The following BCL11B variants were observed in gnomAD, a reference collection of about 807,000 sequenced individuals.
The protein encoded by BCL11B is B-cell lymphoma/leukemia 11B.
Under a neutral mutation model 49.9 loss-of-function variants are expected in BCL11B, and 8 were observed. The ratio of observed to expected loss-of-function variants is 0.16; its 90% CI spans 0.09 to 0.29. The LOEUF (loss-of-function observed/expected upper bound fraction) is 0.29, where lower values mean the gene tolerates loss of function less well. BCL11B is among the 10% of genes least tolerant of loss of function. BCL11B has a pLI of 1.00. For missense variants in BCL11B, 1,006 were observed against 1,351.0 expected (o/e 0.74, Z 4.00); for synonymous variants, 739 against 637.4 (o/e 1.16, Z -2.40).
chr14:99,255,919 A>G (rs1889149955), intron 2 of BCL11B, among the ~76,000 whole-genome samples: 1 of 152,236 alleles, frequency 6.6e-6, no homozygotes, highest in Non-Finnish European at 1.5e-5. Flanking sequence ...GGCACCCATC[A>G]GAAGGCAAGG....
intron 3 of BCL11B, among the ~76,000 whole-genome samples, chr14:99,196,073 G>A (rs1285086741): frequency 2.0e-5 from 3 of 152,310 alleles, no homozygotes; most frequent in South Asian, 4.1e-4. Context: ...CCAGCGGTCC[G>A]AGGCTTCGAG....
chr14:99,262,871 G>A lies in BCL11B; in HGVS notation c.59-5032C>T, dbSNP rs764959723. 3 of 151,946 alleles carry A rather than the reference G, an allele frequency of 2.0e-5. No individual in the cohort carries two copies. Among genetic ancestry groups the A allele is most frequent in the Non-Finnish European group, 4.4e-5 (3 of 68,004 alleles). The allele number at this position is 151,946 out of a possible 1,614,324, so 9.4% of individuals were successfully genotyped here. ...AACCGTAGGGAGGGGGGAGGAGAAG[G>A]GTGGAGGGGGAGAGAGCAGGAATCA... On this transcript the variant is annotated intron_variant, in intron 1 of 3. Transcript: ENST00000357195. This position sits in a 1 kb window ranked among gnomAD's most constrained non-coding sequence, Gnocchi z 4.2.
intron 3 of BCL11B, among the ~76,000 whole-genome samples, chr14:99,218,654 C>T (rs190036664): frequency 6.6e-6 from 1 of 152,314 alleles, no homozygotes; most frequent in Admixed American, 6.5e-5. Flanking sequence ...CCTCAGTTCA[C>T]CGAGACCAGC....
rs1234560809 is a variant in BCL11B, at chr14:99,250,899, TTGTC to T, written c.427+6568_427+6571del. ...AAAACACCCATTTATGTGACCAGTA[TTGTC>T]TGTCTTTTTTTTAATCCAATAAAAC... On this transcript the variant is annotated intron_variant, in intron 2 of 3. Coordinates refer to ENST00000357195, the MANE Select transcript of BCL11B (RefSeq NM_138576.4). 3.3e-5 allele frequency among the ~76,000 whole-genome samples: 5 copies of T among 151,466 alleles called. No homozygotes were observed. In the East Asian group the frequency reaches 7.7e-4, roughly 23 times the overall value.
At chr14:99,198,644 C>T (rs755094068) in intron 3 of BCL11B, among the ~76,000 whole-genome samples, 4 of 152,042 alleles carry the variant, frequency 2.6e-5, no homozygotes, top group Non-Finnish European at 5.9e-5. Context: ...TGAAAGGTCT[C>T]GCGACACATT....
chr14:99,267,713 C>A (rs1889528694), intron 1 of BCL11B, among the ~76,000 whole-genome samples: 1 of 152,176 alleles, frequency 6.6e-6, no homozygotes, highest in African/African-American at 2.4e-5. Context: ...TACAGCAAAA[C>A]CTAATTCAAA....
chr14:99,222,196 T>C (rs543274195), intron 3 of BCL11B, among the ~76,000 whole-genome samples: 73 of 152,194 alleles, frequency 4.8e-4, no homozygotes, highest in Admixed American at 1.5e-3. Context: ...CCCCGCACCA[T>C]AAAAACAACA....
At chr14:99,190,543 T>C (rs1008403611) in intron 3 of BCL11B, among the ~76,000 whole-genome samples, 4 of 152,080 alleles carry the variant, frequency 2.6e-5, no homozygotes, top group African/African-American at 9.7e-5. Flanking sequence ...TGTGCCTTTG[T>C]TTTGTTTTGT....
At chr14:99,253,307 G>A (rs1387693995) in intron 2 of BCL11B, among the ~76,000 whole-genome samples, 3 of 152,198 alleles carry the variant, frequency 2.0e-5, no homozygotes, top group Non-Finnish European at 2.9e-5. Flanking sequence ...CAGAATGGAC[G>A]GGAGAGAGTC....
In BCL11B at chr14:99,170,552, A is replaced by G. The variant is rs183005578; in HGVS notation, c.*3599T>C. On this transcript the variant is annotated 3_prime_UTR_variant, in exon 4 of 4. Coordinates refer to ENST00000357195, the MANE Select transcript of BCL11B (RefSeq NM_138576.4). ...TTAGGGGAGGAACAGACAGGAAGAA[A>G]AGAAATTAAATAAAAAATGAAAGAA... 86 of 231,524 alleles carry G rather than the reference A, an allele frequency of 3.7e-4. No individual in the cohort carries two copies. In the East Asian group the frequency reaches 5.0e-3, roughly 13 times the overall value. 14.3% of individuals were successfully genotyped at this position (231,524 alleles called of 1,614,324 possible).
At chr14:99,212,922 T>C (rs1004000981) in intron 3 of BCL11B, among the ~76,000 whole-genome samples, 1 of 152,208 alleles carries the variant, frequency 6.6e-6, no homozygotes, top group East Asian at 1.9e-4. Flanking sequence ...CCAAACCCAG[T>C]GATACTTTGC....
At chr14:99,255,697 G>T (rs1053340455) in intron 2 of BCL11B, among the ~76,000 whole-genome samples, 1 of 152,174 alleles carries the variant, frequency 6.6e-6, no homozygotes, top group Non-Finnish European at 1.5e-5. Flanking sequence ...CTGAGGCCAG[G>T]CGTCGATACT....
intron 2 of BCL11B, among the ~76,000 whole-genome samples, chr14:99,250,752 C>A (rs974246031): frequency 3.3e-5 from 5 of 152,154 alleles, no homozygotes; most frequent in Non-Finnish European, 5.9e-5. Flanking sequence ...CCCTTGGGAG[C>A]CCAGCTGCCT....
chr14:99,262,756 C>T lies in BCL11B; in HGVS notation c.59-4917G>A, dbSNP rs376337775. On this transcript the variant is annotated intron_variant, in intron 1 of 3. Coordinates refer to ENST00000357195, the MANE Select transcript of BCL11B (RefSeq NM_138576.4). The surrounding 1 kb of genome is among the most constrained non-coding windows in gnomAD (Gnocchi z 4.2). ...GGAGGGGCTGGGACTCCAGGCGACA[C>T]GGAAACGCCACCACACGCACACTCG... 6.6e-5 allele frequency among the ~76,000 whole-genome samples: 10 copies of T among 152,204 alleles called. No homozygotes were observed. Among genetic ancestry groups the T allele is most frequent in the East Asian group, 1.9e-4 (1 of 5,178 alleles).
chr14:99,210,902 C>G (rs1422608876), intron 3 of BCL11B, among the ~76,000 whole-genome samples: 1 of 152,112 alleles, frequency 6.6e-6, no homozygotes, highest in East Asian at 1.9e-4. Context: ...ACCTTCCCCT[C>G]TACCAACGAT....
Position 99,231,262 on chromosome 14 carries a change from G to A in BCL11B, c.640+83C>T. The A allele has an allele frequency of 6.9e-7, 1 of 1,442,836 alleles. No homozygotes were observed. Among genetic ancestry groups the A allele is most frequent in the South Asian group, 1.3e-5 (1 of 78,410 alleles). The allele number at this position is 1,442,836 out of a possible 1,614,324, so 89.4% of individuals were successfully genotyped here. A position where few individuals can be genotyped will look rare whatever the true frequency, so the allele number is the denominator to read the frequency against. On this transcript the variant is annotated intron_variant, in intron 3 of 3. Transcript: ENST00000357195. This position sits in a 1 kb window ranked among gnomAD's most constrained non-coding sequence, Gnocchi z 8.1. ...TGGGTGGGAGCTGCCCTTCCTCCCT[G>A]GGTCCCCACCTTGCTCCAGCGCTGC...
At position 99,247,744 on chromosome 14, in the gene BCL11B, G is replaced by A. The variant is rs999330394; in HGVS notation, c.427+9727C>T. Reference sequence around the variant, plus strand: ...ACTAGAGGCACAGCCTAGGCACTGGGGCTACCAGCTCCTAGGGCTCTGTGC... The same window carrying A: ...ACTAGAGGCACAGCCTAGGCACTGGAGCTACCAGCTCCTAGGGCTCTGTGC... On this transcript the variant is annotated intron_variant, in intron 2 of 3. Transcript: ENST00000357195. This position sits in a 1 kb window ranked among gnomAD's most constrained non-coding sequence, Gnocchi z 4.5. Among the ~76,000 whole-genome samples, 5 of 152,206 alleles carry A rather than the reference G, an allele frequency of 3.3e-5. No individual in the cohort carries two copies. The highest frequency in any genetic ancestry group is 9.7e-5 in the African/African-American group (4 of 41,444).
At chr14:99,221,642 G>A (rs561420601) in intron 3 of BCL11B, among the ~76,000 whole-genome samples, 174 of 152,366 alleles carry the variant, frequency 1.1e-3, no homozygotes, top group African/African-American at 4.0e-3. Context: ...CCCCAGGCTC[G>A]AGGAGGCTTG....
At chr14:99,226,125 T>C (rs1052139295) in intron 3 of BCL11B, among the ~76,000 whole-genome samples, 2 of 152,226 alleles carry the variant, frequency 1.3e-5, no homozygotes, top group Non-Finnish European at 2.9e-5. Context: ...CACCGGCCCT[T>C]GGGCGATGTA....
Sources: allele counts gnomAD v4.1 joint callset (sites outside exome capture counted in the v4.1 genomes callset), GRCh38; gene constraint gnomAD v4.1.1; non-coding constraint Gnocchi (gnomAD v3.1); transcripts MANE v1.5; gene names NCBI Gene and HGNC (gene_info 2026-07-23, HGNC 2026-07-21).